The following LDLRAD4 variants were observed in gnomAD, a reference collection of about 807,000 sequenced individuals.
LDLRAD4 encodes low density lipoprotein receptor class A domain containing 4, also known as low-density lipoprotein receptor class A domain-containing protein 4.
Under a neutral mutation model 17.0 loss-of-function variants are expected in LDLRAD4, and 5 were observed. The ratio of observed to expected loss-of-function variants is 0.29; its 90% CI spans 0.15 to 0.62. LDLRAD4 has a LOEUF of 0.62. LDLRAD4 is among the 20% of genes least tolerant of loss of function. The pLI is 0.84. For synonymous variants in LDLRAD4, 168 were observed against 171.8 expected (o/e 0.98, Z 0.17); for missense variants, 340 against 424.7 (o/e 0.80, Z 1.75).
upstream of LDLRAD4, chr18:13,278,080 A>G (rs1235316251): frequency 6.6e-6 from 1 of 152,246 alleles, no homozygotes; most frequent in African/African-American, 2.4e-5. Context: ...CATGGCTCAC[A>G]GAAGTTCTTC....
chr18:13,512,098 G>T (rs1297491085), intron 3 of LDLRAD4, among the ~76,000 whole-genome samples: 2 of 152,170 alleles, frequency 1.3e-5, no homozygotes, highest in African/African-American at 4.8e-5. Context: ...ATCGTGTTTT[G>T]TTTTTAAATG....
At chr18:13,248,114 C>G (rs538135051) in intron 1 of LDLRAD4, among the ~76,000 whole-genome samples, 1 of 152,132 alleles carries the variant, frequency 6.6e-6, no homozygotes, top group East Asian at 1.9e-4. Context: ...GCGTGTGCCA[C>G]CATGCCTGGC....
chr18:13,629,210 T>G (rs1159125467), intron 4 of LDLRAD4, among the ~76,000 whole-genome samples: 2 of 152,230 alleles, frequency 1.3e-5, no homozygotes, highest in South Asian at 4.1e-4. Flanking sequence ...AAATCTTCCT[T>G]TGCAAAGAGC....
At chr18:13,630,519 G>T (rs1329183573) in intron 4 of LDLRAD4, among the ~76,000 whole-genome samples, 2 of 152,194 alleles carry the variant, frequency 1.3e-5, no homozygotes, top group Non-Finnish European at 2.9e-5. Flanking sequence ...TGGAACAGGG[G>T]AAAAATAGAT....
At chr18:13,550,469 G>A (rs774999922) in intron 3 of LDLRAD4, among the ~76,000 whole-genome samples, 31 of 152,296 alleles carry the variant, frequency 2.0e-4, no homozygotes, top group Admixed American at 1.1e-3. Context: ...CAGAGGGCTC[G>A]GAATAAGTCA....
chr18:13,438,156 A>G (rs1490162374), intron 2 of LDLRAD4, 88 bp from the exon 4 acceptor site: 3 of 1,213,000 alleles, frequency 2.5e-6, no homozygotes, highest in Admixed American at 3.5e-5. Context: ...TGGCATGCAA[A>G]TGGGGGAAAG....
intron 3 of LDLRAD4, among the ~76,000 whole-genome samples, chr18:13,554,034 A>G (rs2094460548): frequency 6.6e-6 from 1 of 152,194 alleles, no homozygotes; most frequent in Admixed American, 6.5e-5. Flanking sequence ...GTCACATAGC[A>G]TTTAATCACA....
chr18:13,519,101 C>T (rs530018726), intron 3 of LDLRAD4, among the ~76,000 whole-genome samples: 18 of 152,342 alleles, frequency 1.2e-4, no homozygotes, highest in East Asian at 3.9e-4. Flanking sequence ...CAAATACTTT[C>T]GAAGTGGAAA....
intron 1 of LDLRAD4, among the ~76,000 whole-genome samples, chr18:13,366,649 T>G (rs1210964591): frequency 6.6e-6 from 1 of 152,232 alleles, no homozygotes; most frequent in Non-Finnish European, 1.5e-5. Context: ...ATCATCTGGA[T>G]TCTGTCTTTG....
chr18:13,601,523 G>A (rs111868424), intron 3 of LDLRAD4, among the ~76,000 whole-genome samples: 4,132 of 152,100 alleles, frequency 0.027, 60 homozygotes, highest in African/African-American at 0.043. Flanking sequence ...GCATGGTGGC[G>A]GGCGCCTGTA....
At chr18:13,493,510 C>T (rs925440694) in intron 3 of LDLRAD4, among the ~76,000 whole-genome samples, 4 of 152,178 alleles carry the variant, frequency 2.6e-5, no homozygotes, top group Non-Finnish European at 2.9e-5. Flanking sequence ...GCACTGTGCA[C>T]CCCTGAGGCT....
intron 2 of LDLRAD4, among the ~76,000 whole-genome samples, chr18:13,430,258 A>T (rs529962502): frequency 2.6e-5 from 4 of 152,128 alleles, no homozygotes; most frequent in Non-Finnish European, 5.9e-5. Flanking sequence ...CCTCCAATAC[A>T]CATGGAAAGC....
At chr18:13,322,290 C>CTTTTTTTTTTTT (rs370707500) in intron 1 of LDLRAD4, among the ~76,000 whole-genome samples, 13 of 109,740 alleles carry the variant, frequency 1.2e-4, no homozygotes, top group East Asian at 2.9e-4. Flanking sequence ...ACTTTTCTCA[C>CTTTTTTTTTTTT]TTTTTTTTTT....
At chr18:13,372,027 G>A (rs567413402) in intron 1 of LDLRAD4, among the ~76,000 whole-genome samples, 59 of 152,216 alleles carry the variant, frequency 3.9e-4, no homozygotes, top group Non-Finnish European at 6.9e-4. Flanking sequence ...TACATGGGAC[G>A]GTGAGTTAAA....
At chr18:13,270,967 ATTGCAT>A (rs1599024672) in intron 1 of LDLRAD4, among the ~76,000 whole-genome samples, 1 of 152,228 alleles carries the variant, frequency 6.6e-6, no homozygotes, top group East Asian at 1.9e-4. Flanking sequence ...ATGTGTACAT[ATTGCAT>A]TTGAAATGTG....
At chr18:13,355,766 G>A (rs1032855126) in intron 1 of LDLRAD4, among the ~76,000 whole-genome samples, 1 of 152,068 alleles carries the variant, frequency 6.6e-6, no homozygotes, top group Admixed American at 6.5e-5. Context: ...AGAGTAGCTG[G>A]GACCACATGC....
intron 1 of LDLRAD4, among the ~76,000 whole-genome samples, chr18:13,348,068 A>C (rs1442309779): frequency 6.6e-6 from 1 of 152,116 alleles, no homozygotes; most frequent in Non-Finnish European, 1.5e-5. Flanking sequence ...TTCTTTTCTC[A>C]ACTCGTCAAA....
At chr18:13,248,182 C>T (rs1043325513) in intron 1 of LDLRAD4, among the ~76,000 whole-genome samples, 1 of 152,156 alleles carries the variant, frequency 6.6e-6, no homozygotes, top group Non-Finnish European at 1.5e-5. Flanking sequence ...AGGCTGTTCT[C>T]AAACTCCTGA....
At chr18:13,376,401 C>T (rs1484114851) in intron 1 of LDLRAD4, among the ~76,000 whole-genome samples, 1 of 152,194 alleles carries the variant, frequency 6.6e-6, no homozygotes, top group Non-Finnish European at 1.5e-5. Context: ...GCCTGTGCAT[C>T]CCCATGAACA....
Sources: gnomAD v4.1 joint callset for allele counts (sites outside exome capture counted in the v4.1 genomes callset) on GRCh38, gnomAD v4.1.1 for gene constraint, MANE v1.5 for transcripts, NCBI Gene and HGNC (gene_info 2026-07-23, HGNC 2026-07-21) for gene names.